Variants in ZMYM2 observed in about 807,000 individuals in gnomAD.
ZMYM2 encodes the protein zinc finger MYM-type protein 2.
ZMYM2 carries 56 observed loss-of-function variants against 162.8 expected under a neutral mutation model. The ratio of observed to expected loss-of-function variants is 0.34; its 90% CI spans 0.28 to 0.43. The LOEUF is 0.43. Ranked by LOEUF, ZMYM2 falls within the 20% of genes least tolerant of loss-of-function variation. The pLI is 1.00. For missense variants in ZMYM2, 1,275 were observed against 1,621.8 expected (o/e 0.79, Z 3.67); for synonymous variants, 510 against 541.6 (o/e 0.94, Z 0.81).
intron 21 of ZMYM2, among the ~76,000 whole-genome samples, chr13:20,079,962 C>T (rs1466010991): frequency 6.6e-6 from 1 of 152,064 alleles, no homozygotes; most frequent in Non-Finnish European, 1.5e-5. Flanking sequence ...GGGGATTTTA[C>T]TTTAGTGATT....
At chr13:20,036,950 T>A in intron 12 of ZMYM2, 41 bp downstream of exon 12, 1 of 1,527,150 alleles carries the variant, frequency 6.5e-7, no homozygotes, top group Non-Finnish European at 8.8e-7. Context: ...TTAACCAGTC[T>A]TAAAAAACGT....
chr13:19,971,901 G>A (rs1325348316), intron 2 of ZMYM2, among the ~76,000 whole-genome samples: 1 of 152,122 alleles, frequency 6.6e-6, no homozygotes, highest in African/African-American at 2.4e-5. Context: ...AGAGTAGGCA[G>A]TTTGGCGTTT....
In ZMYM2 at chr13:19,993,789, T is replaced by G. The variant is rs1257816674; in HGVS notation, c.717T>G (p.Val239=). Residue 239 remains valine, a synonymous_variant, in exon 3 of 25, where the codon GTT becomes GTG. Transcript: ENST00000610343. ...GACTGCAGTCAAGTAATTTTGGTGT[T>G]AATATACAAACATACACCCCATCTT... ...SNGLQSSNFG[V]NIQTYTPSLT... is the part of the protein sequence containing the mutation. The G allele has an allele frequency of 1.9e-6, 3 of 1,614,080 alleles. No individual in the cohort carries two copies. The highest frequency in any genetic ancestry group is 4.5e-5 in the East Asian group (2 of 44,886).
chr13:19,989,325 A>T (rs527973885), intron 2 of ZMYM2, among the ~76,000 whole-genome samples: 6 of 152,026 alleles, frequency 3.9e-5, no homozygotes, highest in Admixed American at 6.6e-5. Context: ...TCTTTTTGAG[A>T]CAGAGTCTCA....
At chr13:19,960,144 C>G (rs992700838) in intron 2 of ZMYM2, 118 bp downstream of exon 2, 8 of 152,256 alleles carry the variant, frequency 5.3e-5, no homozygotes, top group African/African-American at 1.9e-4. Flanking sequence ...CCTTGGGTGG[C>G]AGCTGCCCCC....
At chr13:19,901,609 G>A in the ZMYM2 span, among the ~76,000 whole-genome samples, 3 of 151,684 alleles carry the variant, frequency 2.0e-5, no homozygotes, top group Admixed American at 6.6e-5. Context: ...TCAGCCTCCC[G>A]AGTAGCGGGG....
At chr13:19,957,130 A>G (rs1954571389), upstream of ZMYM2, among the ~76,000 whole-genome samples, 1 of 152,206 alleles carries the variant, frequency 6.6e-6, no homozygotes, top group Non-Finnish European at 1.5e-5. Context: ...TACAAGGTGG[A>G]AAGCCTACTT....
intron 14 of ZMYM2, 112 bp from the exon 15 acceptor site, chr13:20,058,463 C>A: frequency 7.7e-7 from 1 of 1,303,040 alleles, no homozygotes; most frequent in Non-Finnish European, 1.0e-6. Flanking sequence ...ATTTGGTTAT[C>A]CTCTTCTGCT....
At chr13:19,916,158 C>G in the ZMYM2 span, among the ~76,000 whole-genome samples, 1,720 of 152,028 alleles carry the variant, frequency 0.011, 30 homozygotes, top group African/African-American at 0.033. Flanking sequence ...ACCGCACCCA[C>G]CCGAGATAAC....
intron 11 of ZMYM2, 68 bp from the exon 12 acceptor site, chr13:20,036,667 ATC>A (rs1426896911): frequency 2.3e-6 from 3 of 1,276,802 alleles, no homozygotes; most frequent in Non-Finnish European, 3.1e-6. Context: ...ACCAATTAAG[ATC>A]TGTCTCTGCT....
At chr13:20,026,406 C>T (rs1335296867) in intron 7 of ZMYM2, 3 of 432,148 alleles carry the variant, frequency 6.9e-6, no homozygotes, top group Non-Finnish European at 8.1e-6. Flanking sequence ...TTGAAGGCGA[C>T]TTAGCTGATG....
intron 9 of ZMYM2, among the ~76,000 whole-genome samples, chr13:20,030,621 A>G (rs569713956): frequency 1.3e-5 from 2 of 152,074 alleles, no homozygotes; most frequent in East Asian, 1.9e-4. Flanking sequence ...GATGGTCTCG[A>G]TCTCCTGACT....
the ZMYM2 span, among the ~76,000 whole-genome samples, chr13:19,915,018 T>C: frequency 6.6e-6 from 1 of 152,198 alleles, no homozygotes. Context: ...CACTCACTAT[T>C]ACCCCTTGTG....
the ZMYM2 span, among the ~76,000 whole-genome samples, chr13:19,885,925 A>ATGTATATACACATATATG: frequency 4.4e-3 from 106 of 23,852 alleles, 40 homozygotes; most frequent in Admixed American, 0.022. Context: ...ACACATATAT[A>ATGTATATACACATATATG]TGTGTATACA....
the ZMYM2 span, among the ~76,000 whole-genome samples, chr13:19,898,754 T>C: frequency 8.7e-5 from 13 of 149,746 alleles, no homozygotes; most frequent in African/African-American, 3.3e-4. Context: ...GGCAAGACCC[T>C]GTCTCTACAA....
chr13:19,931,711 C>A, the ZMYM2 span, among the ~76,000 whole-genome samples: 1 of 152,212 alleles, frequency 6.6e-6, no homozygotes. Context: ...GCAGCCTTGA[C>A]TTCCCAGGCT....
At chr13:19,895,997 A>G in the ZMYM2 span, among the ~76,000 whole-genome samples, 1 of 151,130 alleles carries the variant, frequency 6.6e-6, no homozygotes, top group Admixed American at 6.6e-5. Context: ...ACTGAGTGAA[A>G]TAAGCCAGTC....
At chr13:19,866,999 T>C in the ZMYM2 span, among the ~76,000 whole-genome samples, 114 of 152,222 alleles carry the variant, frequency 7.5e-4, 1 homozygote, top group Non-Finnish European at 5.9e-5. Flanking sequence ...TTGGAGTTAA[T>C]ATGTAAAATA....
At chr13:20,026,227 A>G (rs1952569633) in intron 7 of ZMYM2, 1 of 154,802 alleles carries the variant, frequency 6.5e-6, no homozygotes, top group Non-Finnish European at 1.4e-5. Context: ...TTTTATTATT[A>G]AGGCTTATAT....
Sources: allele counts gnomAD v4.1 joint callset (sites outside exome capture counted in the v4.1 genomes callset), GRCh38; gene constraint gnomAD v4.1.1; transcripts MANE v1.5; gene names NCBI Gene and HGNC (gene_info 2026-07-23, HGNC 2026-07-21).